Variants in RHBDL1 observed in about 807,000 individuals in gnomAD.
RHBDL1 encodes the protein rhomboid-related protein 1.
A neutral mutation model predicts 34.0 loss-of-function variants in RHBDL1; 21 were observed. That is an observed-to-expected ratio of 0.62 (90% CI 0.44 to 0.89). RHBDL1 has a LOEUF of 0.89. Ranked by LOEUF, RHBDL1 falls within the 40% of genes least tolerant of loss-of-function variation. The probability of loss-of-function intolerance (pLI) is 0.00; values close to 1 mark genes in which losing one functional copy is unlikely to be tolerated. For synonymous variants in RHBDL1, 268 were observed against 234.8 expected (o/e 1.14, Z -1.29); for missense variants, 450 against 530.6 (o/e 0.85, Z 1.49).
rs1192343674 is a variant in RHBDL1, at chr16:677,463, C to T, written c.693C>T (p.Ser231=). ...ACCCGCCGCTTGCTCACACAGGCTC[C>T]CTAACCGTCTCCATCACCGACATGC... is the stretch of plus-strand genomic sequence containing the variant. The part of the protein sequence containing the change: ...LLYLAGVLAG[S]LTVSITDMRA... Residue 231 remains serine, a synonymous_variant, in exon 6 of 8, where the codon TCC becomes TCT. Transcript: ENST00000352681. 3.1e-6 allele frequency: 5 copies of T among 1,606,186 alleles called. No homozygotes were observed. The highest frequency in any genetic ancestry group is 3.4e-6 in the Non-Finnish European group (4 of 1,179,088).
At chr16:677,153 C>G (rs900785738) in intron 4 of RHBDL1, 34 bp downstream of exon 4, 1 of 1,583,082 alleles carries the variant, frequency 6.3e-7, no homozygotes, top group African/African-American at 1.3e-5. Context: ...AGCCCCGCCC[C>G]AACCTGCCAT....
In RHBDL1 at chr16:675,756, C is replaced by G. The variant is rs757137519; in HGVS notation, c.-35C>G. ...CAGAGCAGCCCCTCCCGGCCGCGGC[C>G]GCCGACCCCGGACCCCGGCCCCCGG... is the stretch of plus-strand genomic sequence containing the variant. On this transcript the variant is annotated 5_prime_UTR_variant, in exon 1 of 8. Transcript: ENST00000352681. The G allele has an allele frequency of 1.7e-5, 24 of 1,427,862 alleles. No individual in the cohort carries two copies. The African/African-American group carries it at 2.7e-4, about 16-fold the overall frequency. 88.4% of individuals were successfully genotyped at this position (1,427,862 alleles called of 1,614,324 possible).
rs372745961 is a variant in RHBDL1, at chr16:678,005, G to A, written c.1075G>A (p.Val359Ile). The part of the protein sequence containing the change: ...TFLLFAVFWN[V>I]FAYDLLGAHI... ...CCTGCTCTTCGCCGTCTTCTGGAACGTCTTCGCCTACGACCTGCTGGGCGC... is the reference window on the plus strand; with the variant it reads ...CCTGCTCTTCGCCGTCTTCTGGAACATCTTCGCCTACGACCTGCTGGGCGC... Residue 359 changes from valine (V) to isoleucine (I), a missense_variant, in exon 8 of 8, where the codon GTC becomes ATC. Transcript: ENST00000352681. The A allele has an allele frequency of 1.3e-5, 20 of 1,595,818 alleles. No individual in the cohort carries two copies. The highest frequency in any genetic ancestry group is 1.6e-5 in the Non-Finnish European group (19 of 1,177,254).
Position 678,122 on chromosome 16 carries a change from T to A in RHBDL1, c.*70T>A, listed in dbSNP as rs996528955. ...GCCGCCCACCAGGGGCCTTCACGTCTGCCCTTTGTGAACGGACGTCTCAGG... is the reference window on the plus strand; with the variant it reads ...GCCGCCCACCAGGGGCCTTCACGTCAGCCCTTTGTGAACGGACGTCTCAGG... On this transcript the variant is annotated 3_prime_UTR_variant, in exon 8 of 8. Transcript: ENST00000352681. 17 of 1,460,722 alleles carry A rather than the reference T, an allele frequency of 1.2e-5. No individual in the cohort carries two copies. In the East Asian group the frequency reaches 3.7e-4, roughly 32 times the overall value. 90.5% of individuals were successfully genotyped at this position (1,460,722 alleles called of 1,614,324 possible). A position where few individuals can be genotyped will look rare whatever the true frequency, so the allele number is the denominator to read the frequency against.
rs2039572773 is a variant in RHBDL1 at position 677,649 on chromosome 16, G to T, written c.800G>T (p.Gly267Val). 1 of 1,575,522 alleles carries T rather than the reference G, an allele frequency of 6.3e-7. No individual in the cohort carries two copies. The highest frequency in any genetic ancestry group is 1.8e-5 in the Admixed American group (1 of 56,628). Residue 267 changes from glycine (G) to valine (V), a missense_variant, in exon 7 of 8, where the codon GGG becomes GTG. Coordinates refer to ENST00000352681, the MANE Select transcript of RHBDL1 (RefSeq NM_001278720.2). ...HLANVVMNWA[G>V]MRCPYKLLRM... The stretch of plus-strand genomic sequence containing the variant: ...TGCACACACCCATAGAACTGGGCTG[G>T]GATGAGATGTCCCTACAAGTTGCTG...
rs571954581 is a variant in RHBDL1, at chr16:676,586, C to G, written c.202-86C>G. 1.2e-5 allele frequency: 19 copies of G among 1,576,082 alleles called. No homozygotes were observed. In the East Asian group the frequency reaches 4.1e-4, roughly 34 times the overall value. ...GCTCCTCACGGCGGTGGGTGGGGGG[C>G]TTGTGGATGCGGGGAGCTGGGTGAG... On this transcript the variant is annotated intron_variant, in intron 2 of 7. Coordinates refer to ENST00000352681, the MANE Select transcript of RHBDL1 (RefSeq NM_001278720.2). This position sits in a 1 kb window ranked among gnomAD's most constrained non-coding sequence, Gnocchi z 6.9.
At position 677,213 on chromosome 16, in the gene RHBDL1, G is replaced by A. The variant is rs578108915; in HGVS notation, c.576-63G>A. On this transcript the variant is annotated intron_variant, in intron 4 of 7. Transcript: ENST00000352681. ...GGCAGGTGCGGCAACTTGAGGTGAC[G>A]GCTGGGGGTGGGGCCGGATGGCTGA... 20 of 1,560,684 alleles carry A rather than the reference G, an allele frequency of 1.3e-5. 1 individual carries two copies. In the Admixed American group the frequency reaches 1.8e-4, roughly 14 times the overall value.
chr16:677,378 C>G lies in RHBDL1; in HGVS notation c.678C>G (p.Gly226=), dbSNP rs768953134. The change falls in exon 5 of 8, where the codon GGC becomes GGG. Residue 226 remains glycine, a synonymous_variant. Transcript: ENST00000352681. ...LLRISLLYLA[G]VLAGSLTVSI... is the part of the protein sequence containing the mutation. ...GCATCAGCCTGCTCTACCTGGCAGG[C>G]GTGCTGGCAGGTGAGGCAGGCGCGC... is the stretch of plus-strand genomic sequence containing the variant. 6.4e-7 allele frequency: 1 copy of G among 1,573,442 alleles called. No homozygotes were observed.
rs1377868950 is a variant in RHBDL1 at position 677,717 on chromosome 16, G to A, written c.850+18G>A. On this transcript the variant is annotated intron_variant, in intron 7 of 7. Coordinates refer to ENST00000352681, the MANE Select transcript of RHBDL1 (RefSeq NM_001278720.2). Reference sequence around the variant, plus strand: ...GGTGTGCAGTGAGTAGGGGCCGGGGGGAGGGCCGGGGGGCCTCTCAGCCTG... The same window carrying A: ...GGTGTGCAGTGAGTAGGGGCCGGGGAGAGGGCCGGGGGGCCTCTCAGCCTG... 2 of 1,527,254 alleles carry A rather than the reference G, an allele frequency of 1.3e-6. No homozygotes were observed. Among genetic ancestry groups the A allele is most frequent in the South Asian group, 1.3e-5 (1 of 77,214 alleles). 94.6% of individuals were successfully genotyped at this position (1,527,254 alleles called of 1,614,324 possible). A position where few individuals can be genotyped will look rare whatever the true frequency, so the allele number is the denominator to read the frequency against.
In RHBDL1 at chr16:678,073, A is replaced by T; in HGVS notation, c.*21A>T. 1 of 1,526,692 alleles carries T rather than the reference A, an allele frequency of 6.6e-7. No individual in the cohort carries two copies. 94.6% of individuals were successfully genotyped at this position (1,526,692 alleles called of 1,614,324 possible). On this transcript the variant is annotated 3_prime_UTR_variant, in exon 8 of 8. Coordinates refer to ENST00000352681, the MANE Select transcript of RHBDL1 (RefSeq NM_001278720.2). ...CCTGACCGGCTACCTGAGGCTGCACAGGCCAGGGCTCGGGCATGTGGTGGC... is the reference window on the plus strand; with the variant it reads ...CCTGACCGGCTACCTGAGGCTGCACTGGCCAGGGCTCGGGCATGTGGTGGC...
In RHBDL1 at chr16:677,358, A is replaced by C; in HGVS notation, c.658A>C (p.Ser220Arg). ...LEMVHGLLRI[S>R]LLYLAGVLAG... ...GATGGTGCACGGCCTGCTCCGCATCAGCCTGCTCTACCTGGCAGGCGTGCT... is the reference window on the plus strand; with the variant it reads ...GATGGTGCACGGCCTGCTCCGCATCCGCCTGCTCTACCTGGCAGGCGTGCT... The change falls in exon 5 of 8, where the codon AGC becomes CGC. Residue 220 changes from serine (S) to arginine (R), a missense_variant. Physicochemically the swap from Ser to Arg is moderately radical, Grantham distance 110. Transcript: ENST00000352681. 1.3e-6 allele frequency: 2 copies of C among 1,575,682 alleles called. No individual in the cohort carries two copies. The highest frequency in any genetic ancestry group is 1.7e-6 in the Non-Finnish European group (2 of 1,161,388).
Position 677,838 on chromosome 16 carries a change from C to T in RHBDL1, c.908C>T (p.Ser303Leu), listed in dbSNP as rs770610580. Reference protein sequence around the residue: ...WLRFSPPLPASGPQPSFMAHL... With the variant: ...WLRFSPPLPALGPQPSFMAHL... The stretch of plus-strand genomic sequence containing the variant: ...CGCTTCTCCCCGCCGCTGCCCGCCT[C>T]GGGCCCACAGCCCAGCTTCATGGCG... The change falls in exon 8 of 8, where the codon TCG (serine) becomes TTG (leucine). Residue 303 changes from serine (S) to leucine (L), a missense_variant. Transcript: ENST00000352681. 9 of 1,586,136 alleles carry T rather than the reference C, an allele frequency of 5.7e-6. No individual in the cohort carries two copies. The highest frequency in any genetic ancestry group is 2.3e-5 in the East Asian group (1 of 44,036).
rs2039548156 is a variant in RHBDL1, at chr16:676,580, G to C, written c.201+83G>C. The C allele has an allele frequency of 4.4e-6, 7 of 1,575,444 alleles. No individual in the cohort carries two copies. In the African/African-American group the frequency reaches 5.4e-5, roughly 12 times the overall value. On this transcript the variant is annotated intron_variant, in intron 2 of 7. Coordinates refer to ENST00000352681, the MANE Select transcript of RHBDL1 (RefSeq NM_001278720.2). This position sits in a 1 kb window ranked among gnomAD's most constrained non-coding sequence, Gnocchi z 6.9. ...CAGGCAGCTCCTCACGGCGGTGGGT[G>C]GGGGGCTTGTGGATGCGGGGAGCTG...
At position 677,371 on chromosome 16, in the gene RHBDL1, T is replaced by C; in HGVS notation, c.671T>C (p.Leu224Pro). ...CTGCTCCGCATCAGCCTGCTCTACC[T>C]GGCAGGCGTGCTGGCAGGTGAGGCA... The part of the protein sequence containing the change: ...HGLLRISLLY[L>P]AGVLAGSLTV... Residue 224 changes from leucine to proline, a missense_variant, in exon 5 of 8, where the codon CTG becomes CCG. Leu to Pro is a moderately conservative substitution (Grantham distance 98). Coordinates refer to ENST00000352681, the MANE Select transcript of RHBDL1 (RefSeq NM_001278720.2). 1 of 1,574,014 alleles carries C rather than the reference T, an allele frequency of 6.4e-7. No homozygotes were observed. Among genetic ancestry groups the C allele is most frequent in the Non-Finnish European group, 8.6e-7 (1 of 1,160,524 alleles).
In RHBDL1 at chr16:677,028, C is replaced by T. The variant is rs2039557312; in HGVS notation, c.484C>T (p.His162Tyr). 3.1e-6 allele frequency: 5 copies of T among 1,612,810 alleles called. No individual in the cohort carries two copies. The highest frequency in any genetic ancestry group is 4.2e-6 in the Non-Finnish European group (5 of 1,179,972). The change falls in exon 4 of 8, where the codon CAC becomes TAC. Residue 162 changes from histidine (H) to tyrosine (Y), a missense_variant. Physicochemically the swap from His to Tyr is moderately conservative, Grantham distance 83. Transcript: ENST00000352681. ...RLNKWVLQTY[H>Y]PEYMKSPLVY... ...CAACAAGTGGGTGCTGCAGACCTACCACCCCGAGTACATGAAGAGCCCCCT... is the reference window on the plus strand; with the variant it reads ...CAACAAGTGGGTGCTGCAGACCTACTACCCCGAGTACATGAAGAGCCCCCT...
In RHBDL1 at chr16:676,050, G is replaced by A; in HGVS notation, c.39+221G>A. On this transcript the variant is annotated intron_variant, in intron 1 of 7. Coordinates refer to ENST00000352681, the MANE Select transcript of RHBDL1 (RefSeq NM_001278720.2). This position sits in a 1 kb window ranked among gnomAD's most constrained non-coding sequence, Gnocchi z 6.9. Reference sequence around the variant, plus strand: ...AGTCGGGGGGAGGGAGGGAGGGAGGGAGGGAGGGCGGGCAGCTGGCTGGTC... The same window carrying A: ...AGTCGGGGGGAGGGAGGGAGGGAGGAAGGGAGGGCGGGCAGCTGGCTGGTC... The A allele has an allele frequency of 7.0e-7, 1 of 1,422,672 alleles. No homozygotes were observed. The highest frequency in any genetic ancestry group is 9.3e-7 in the Non-Finnish European group (1 of 1,080,368). 88.1% of individuals were successfully genotyped at this position (1,422,672 alleles called of 1,614,324 possible).
In RHBDL1 at chr16:677,535, G is replaced by A. The variant is rs367633660; in HGVS notation, c.765G>A (p.Ser255=). 1.9e-6 allele frequency: 3 copies of A among 1,609,796 alleles called. No homozygotes were observed. The highest frequency in any genetic ancestry group is 1.3e-5 in the African/African-American group (1 of 74,910). ...CCGGCGGGGTCTACGCCCTGTGCTC[G>A]GCACACCTGGCCAACGTTGTCATGG... ...GGSGGVYALC[S]AHLANVVMNW... is the part of the protein sequence containing the mutation. The change falls in exon 6 of 8, where the codon TCG becomes TCA. Residue 255 remains serine (S), a synonymous_variant. Transcript: ENST00000352681.
Position 676,262 on chromosome 16 carries a change from G to T in RHBDL1, c.40-74G>T. On this transcript the variant is annotated intron_variant, in intron 1 of 7. Transcript: ENST00000352681. The surrounding 1 kb of genome is among the most constrained non-coding windows in gnomAD (Gnocchi z 6.9). ...TGGGAGCCTGAGCCTGATGCTCCCA[G>T]CCAGCCTGGCCCAGCCCTTTGGTCC... The T allele has an allele frequency of 6.4e-7, 1 of 1,567,278 alleles. No individual in the cohort carries two copies. Among genetic ancestry groups the T allele is most frequent in the Non-Finnish European group, 8.6e-7 (1 of 1,156,094 alleles).
Position 677,951 on chromosome 16 carries a change from T to C in RHBDL1, c.1021T>C (p.Trp341Arg). 6.2e-7 allele frequency: 1 copy of C among 1,602,288 alleles called. No individual in the cohort carries two copies. The highest frequency in any genetic ancestry group is 8.5e-7 in the Non-Finnish European group (1 of 1,179,146). ...GCGCCTGCGGGACCAGTGCGGCTGG[T>C]GGGTGGTGCTGCTGGCCTACGGCAC... is the stretch of plus-strand genomic sequence containing the variant. ...EERLRDQCGW[W>R]VVLLAYGTFL... The change falls in exon 8 of 8, where the codon TGG (tryptophan) becomes CGG (arginine). Residue 341 changes from tryptophan to arginine, a missense_variant. By Grantham distance (101) the Trp-to-Arg change is moderately radical. Coordinates refer to ENST00000352681, the MANE Select transcript of RHBDL1 (RefSeq NM_001278720.2).
Sources: allele counts gnomAD v4.1 joint callset, GRCh38; gene constraint gnomAD v4.1.1; non-coding constraint Gnocchi (gnomAD v3.1); transcripts MANE v1.5; gene names NCBI Gene and HGNC (gene_info 2026-07-23, HGNC 2026-07-21).